The following ZC3H4 variants were observed in gnomAD, a reference collection of about 807,000 sequenced individuals.
ZC3H4 encodes zinc finger CCCH domain-containing protein 4.
In ZC3H4, 13 loss-of-function variants were observed where a neutral mutation model predicts 108.3. That is an observed-to-expected ratio of 0.12 (90% CI 0.08 to 0.19). ZC3H4 has a LOEUF of 0.19. Ranked by LOEUF, ZC3H4 falls within the 10% of genes least tolerant of loss-of-function variation. The pLI is 1.00. For synonymous variants in ZC3H4, 917 were observed against 749.6 expected, an observed-to-expected ratio of 1.22 and a Z score of -3.65; for missense variants, 1,734 against 1,838.8, an observed-to-expected ratio of 0.94 and a Z score of 1.04.
Position 47,066,871 on chromosome 19 carries a change from G to T in ZC3H4, c.3397C>A (p.Gln1133Lys). The T allele has an allele frequency of 6.3e-7, 1 of 1,598,658 alleles. No homozygotes were observed. ...PRVLAAGGLG[Q>K]GGGGGQSSVL... ...CTGCTCTGCCCGCCCCCTCCGCCCT[G>T]GCCCAGTCCACCGGCCGCCAGCACG... is the stretch of plus-strand genomic sequence containing the variant. Residue 1133 changes from glutamine (Q) to lysine (K), a missense_variant, in exon 15 of 15, where the codon CAG becomes AAG. By Grantham distance (53) the Gln-to-Lys change is moderately conservative. This residue lies in a region of ZC3H4 where 518 missense variants were observed against 499.6 expected (regional missense o/e 1.04). Coordinates refer to ENST00000253048, the MANE Select transcript of ZC3H4 (RefSeq NM_015168.2).
rs569637702 is a variant in ZC3H4, at chr19:47,064,435, C to G, written c.*1921G>C. 3.9e-5 allele frequency: 6 copies of G among 152,462 alleles called. No individual in the cohort carries two copies. The highest frequency in any genetic ancestry group is 5.9e-5 in the Non-Finnish European group (4 of 68,032). The allele number at this position is 152,462 out of a possible 1,614,324, so 9.4% of individuals were successfully genotyped here. On this transcript the variant is annotated 3_prime_UTR_variant, in exon 15 of 15. Transcript: ENST00000253048. ...AGAGAACAATTTTTCTTTAAAAGCT[C>G]GGCCTGATGGCAAATGAGAATTTCG...
chr19:47,080,014 C>T (rs190951745), intron 11 of ZC3H4, among the ~76,000 whole-genome samples: 3 of 152,336 alleles, frequency 2.0e-5, no homozygotes, highest in East Asian at 3.9e-4. Flanking sequence ...GCTTCCCCTG[C>T]ACCCCTCACA....
chr19:47,067,236 C>G lies in ZC3H4; in HGVS notation c.3032G>C (p.Arg1011Pro). 6.2e-7 allele frequency: 1 copy of G among 1,604,526 alleles called. No individual in the cohort carries two copies. Among genetic ancestry groups the G allele is most frequent in the Non-Finnish European group, 8.5e-7 (1 of 1,175,666 alleles). ...CCCTGCCGTGGCAGCGCGGTGCAGC[C>G]GGGGGTCCAGGGTGGGCATGGATTG... Reference protein sequence around the residue: ...ALQSMPTLDPRLHRAATAGPP... With the variant: ...ALQSMPTLDPPLHRAATAGPP... The change falls in exon 15 of 15, where the codon CGG becomes CCG. Residue 1011 changes from arginine (R) to proline (P), a missense_variant. Arg to Pro is a moderately radical substitution (Grantham distance 103). Coordinates refer to ENST00000253048, the MANE Select transcript of ZC3H4 (RefSeq NM_015168.2). The surrounding 1 kb of genome is among the most constrained non-coding windows in gnomAD (Gnocchi z 6.4).
Position 47,085,418 on chromosome 19 carries a change from G to T in ZC3H4, c.871-4C>A, listed in dbSNP as rs369754751. The T allele has an allele frequency of 1.3e-6, 2 of 1,579,770 alleles. No homozygotes were observed. Among genetic ancestry groups the T allele is most frequent in the East Asian group, 4.5e-5 (2 of 44,754 alleles). On this transcript the variant is annotated splice_region_variant and splice_polypyrimidine_tract_variant and intron_variant, in intron 6 of 14. Coordinates refer to ENST00000253048, the MANE Select transcript of ZC3H4 (RefSeq NM_015168.2). ...TTGGCTCCTCACTCTCTCCATACTGGAATGCGCAGAGGAGAGGGCAGGAGA... is the reference window on the plus strand; with the variant it reads ...TTGGCTCCTCACTCTCTCCATACTGTAATGCGCAGAGGAGAGGGCAGGAGA...
At chr19:47,095,117 G>T (rs2057800746) in intron 2 of ZC3H4, among the ~76,000 whole-genome samples, 1 of 152,124 alleles carries the variant, frequency 6.6e-6, no homozygotes, top group Non-Finnish European at 1.5e-5. Context: ...CCAGGCCCAG[G>T]ATTGCCTGCT....
In ZC3H4 at chr19:47,067,971, C is replaced by A; in HGVS notation, c.2399-102G>T. ...ACCGTGAGCAGCTCCTTTGCTTGTG[C>A]CTCTCAGAACCTCAGGTCCTCCTCT... On this transcript the variant is annotated intron_variant, in intron 14 of 14. Transcript: ENST00000253048. The surrounding 1 kb of genome is among the most constrained non-coding windows in gnomAD (Gnocchi z 6.4). 8.8e-7 allele frequency: 1 copy of A among 1,132,552 alleles called. No homozygotes were observed. Among genetic ancestry groups the A allele is most frequent in the East Asian group, 2.6e-5 (1 of 38,924 alleles). The allele number at this position is 1,132,552 out of a possible 1,614,324, so 70.2% of individuals were successfully genotyped here.
intron 11 of ZC3H4, among the ~76,000 whole-genome samples, chr19:47,076,341 A>ACACT (rs1555779460): frequency 1.3e-5 from 2 of 152,068 alleles, no homozygotes; most frequent in Non-Finnish European, 2.9e-5. Context: ...ACACACACAC[A>ACACT]CACACTCACA....
intron 2 of ZC3H4, among the ~76,000 whole-genome samples, chr19:47,106,005 C>T (rs918909595): frequency 6.6e-6 from 1 of 152,140 alleles, no homozygotes; most frequent in Non-Finnish European, 1.5e-5. Context: ...TGTTTTGTGA[C>T]CTGGGACAAG....
chr19:47,111,430 C>T (rs529369432), intron 2 of ZC3H4, among the ~76,000 whole-genome samples: 424 of 152,158 alleles, frequency 2.8e-3, no homozygotes, highest in Middle Eastern at 6.8e-3. Context: ...AGGAAATCTC[C>T]TTTTCTCTCC....
rs748017198 is a variant in ZC3H4, at chr19:47,086,542, C to G, written c.716-4G>C. Reference sequence around the variant, plus strand: ...CCCCGGCCCCGGCCTCGGCTGCCTGCATGGAGATTCAGATAGTGAGCCTCC... The same window carrying G: ...CCCCGGCCCCGGCCTCGGCTGCCTGGATGGAGATTCAGATAGTGAGCCTCC... On this transcript the variant is annotated splice_polypyrimidine_tract_variant and splice_region_variant and intron_variant, in intron 5 of 14. Coordinates refer to ENST00000253048, the MANE Select transcript of ZC3H4 (RefSeq NM_015168.2). 6.3e-7 allele frequency: 1 copy of G among 1,580,502 alleles called. No individual in the cohort carries two copies. Among genetic ancestry groups the G allele is most frequent in the Non-Finnish European group, 8.5e-7 (1 of 1,171,484 alleles).
rs769913238 is a variant in ZC3H4 at position 47,069,197 on chromosome 19, C to G, written c.2293G>C (p.Ala765Pro). 3.1e-6 allele frequency: 5 copies of G among 1,611,848 alleles called. No individual in the cohort carries two copies. The highest frequency in any genetic ancestry group is 2.2e-5 in the South Asian group (2 of 91,088). Residue 765 changes from alanine (A) to proline (P), a missense_variant, in exon 14 of 15, where the codon GCC becomes CCC. By Grantham distance (27) the Ala-to-Pro change is conservative (BLOSUM62 -1). This residue lies in a region of ZC3H4 where 540 missense variants were observed against 484.1 expected (regional missense o/e 1.12). Coordinates refer to ENST00000253048, the MANE Select transcript of ZC3H4 (RefSeq NM_015168.2). ...GAGVPDFLPS[A>P]QRALYLRIQQ... Reference sequence around the variant, plus strand: ...ATCCTCAGGTACAGGGCCCTCTGGGCTGAGGGCAGGAAGTCAGGGACACCG... The same window carrying G: ...ATCCTCAGGTACAGGGCCCTCTGGGGTGAGGGCAGGAAGTCAGGGACACCG...
rs770134555 is a variant in ZC3H4, at chr19:47,067,569, T to C, written c.2699A>G (p.Lys900Arg). The C allele has an allele frequency of 2.5e-6, 4 of 1,603,928 alleles. No individual in the cohort carries two copies. The Admixed American group carries it at 6.8e-5, about 27-fold the overall frequency. Residue 900 changes from lysine (K) to arginine (R), a missense_variant, in exon 15 of 15, where the codon AAG becomes AGG. Lys to Arg is a conservative substitution (Grantham distance 26). This residue lies in a region of ZC3H4 where 540 missense variants were observed against 484.1 expected (regional missense o/e 1.12). Transcript: ENST00000253048. The surrounding 1 kb of genome is among the most constrained non-coding windows in gnomAD (Gnocchi z 6.4). The stretch of plus-strand genomic sequence containing the variant: ...GCTGGAATGAAGGCTGCCTTCGGGC[T>C]TGGAGGTGGGCAGGGCGCGAGCCAG... ...PRLARALPTS[K>R]PEGSLHSSPV... is the part of the protein sequence containing the mutation.
intron 3 of ZC3H4, 90 bp from the exon 4 acceptor site, chr19:47,094,170 G>T: frequency 7.5e-7 from 1 of 1,335,910 alleles, no homozygotes; most frequent in Non-Finnish European, 1.1e-6. Context: ...GCTGGCATGT[G>T]CCGCAGGGCT....
chr19:47,108,429 T>G (rs933708761), intron 2 of ZC3H4, among the ~76,000 whole-genome samples: 1 of 152,066 alleles, frequency 6.6e-6, no homozygotes, highest in Non-Finnish European at 1.5e-5. Flanking sequence ...ACAGGCCCAA[T>G]AGCCATAAAA....
chr19:47,079,087 T>C (rs2057473926), intron 11 of ZC3H4, among the ~76,000 whole-genome samples: 1 of 146,006 alleles, frequency 6.8e-6, no homozygotes, highest in African/African-American at 2.5e-5. Flanking sequence ...TGGAGTGCAA[T>C]GGCACGATCT....
chr19:47,081,495 G>A lies in ZC3H4; in HGVS notation c.1440+18C>T, dbSNP rs188170246. On this transcript the variant is annotated intron_variant, in intron 11 of 14. Coordinates refer to ENST00000253048, the MANE Select transcript of ZC3H4 (RefSeq NM_015168.2). The stretch of plus-strand genomic sequence containing the variant: ...CCCAGTTCCTGTAGCCGGGGGCCCC[G>A]TTACCCCCGGACATTACCTTATCCA... 1.6e-4 allele frequency: 253 copies of A among 1,612,166 alleles called. No individual in the cohort carries two copies. The African/African-American group carries it at 3.0e-3, about 19-fold the overall frequency.
chr19:47,078,416 G>A (rs531534247), intron 11 of ZC3H4, among the ~76,000 whole-genome samples: 15 of 151,800 alleles, frequency 9.9e-5, no homozygotes, highest in African/African-American at 3.1e-4. Flanking sequence ...CCCAGGAGGC[G>A]GAGGTTGCAG....
At chr19:47,089,668 T>G (rs1245160027) in intron 5 of ZC3H4, among the ~76,000 whole-genome samples, 1 of 151,734 alleles carries the variant, frequency 6.6e-6, no homozygotes, top group Non-Finnish European at 1.5e-5. Flanking sequence ...CAGCTGTCAG[T>G]GACCATGGCC....
At chr19:47,089,693 G>A (rs1208618222) in intron 5 of ZC3H4, among the ~76,000 whole-genome samples, 1 of 112,516 alleles carries the variant, frequency 8.9e-6, no homozygotes, top group Non-Finnish European at 2.4e-5. Flanking sequence ...TGAAAGAGAA[G>A]CTGTTCCCTT....
Sources: allele counts gnomAD v4.1 joint callset (sites outside exome capture counted in the v4.1 genomes callset), GRCh38; gene constraint gnomAD v4.1.1; regional missense constraint gnomAD v4.1.1; non-coding constraint Gnocchi (gnomAD v3.1); transcripts MANE v1.5; gene names NCBI Gene and HGNC (gene_info 2026-07-23, HGNC 2026-07-21).